Variants in NFATC2 observed in about 807,000 individuals in gnomAD.
NFATC2 encodes nuclear factor of activated T cells 2, also known as nuclear factor of activated T-cells, cytoplasmic 2.
NFATC2 carries 22 observed loss-of-function variants against 87.3 expected under a neutral mutation model. That is an observed-to-expected ratio of 0.25 (90% confidence interval 0.18 to 0.36). NFATC2 has a LOEUF of 0.36. Ranked by LOEUF, NFATC2 falls within the 10% of genes least tolerant of loss-of-function variation. The pLI, the probability that NFATC2 is intolerant of heterozygous loss-of-function variation, is 1.00. For synonymous variants in NFATC2, 565 were observed against 542.2 expected, an observed-to-expected ratio of 1.04 and a Z score of -0.58; for missense variants, 1,149 against 1,259.1, an observed-to-expected ratio of 0.91 and a Z score of 1.32.
chr20:51,542,749 C>CGGGGGGGGGGG (rs1167272535), upstream of NFATC2: 8 of 4,254 alleles, frequency 1.9e-3, no homozygotes, highest in South Asian at 6.5e-3. Flanking sequence ...CCCGGGGAGG[C>CGGGGGGGGGGG]GGGGGGGGGG....
chr20:51,559,882 A>G (rs1245412852), intron 1 of NFATC2, among the ~76,000 whole-genome samples: 2 of 152,240 alleles, frequency 1.3e-5, no homozygotes, highest in African/African-American at 4.8e-5. Flanking sequence ...ATCATTTCAT[A>G]CGATGCTCTT....
intron 6 of NFATC2, among the ~76,000 whole-genome samples, chr20:51,449,670 T>C (rs1394298800): frequency 1.3e-5 from 2 of 152,080 alleles, no homozygotes; most frequent in Non-Finnish European, 2.9e-5. Context: ...AACAGCAGAG[T>C]CCAAGGTGTG....
intron 5 of NFATC2, among the ~76,000 whole-genome samples, chr20:51,473,379 C>T (rs6013191): frequency 6.6e-6 from 1 of 151,838 alleles, no homozygotes; most frequent in Non-Finnish European, 1.5e-5. Context: ...ACAGGGCATG[C>T]CTCCCACGTG....
intron 9 of NFATC2, among the ~76,000 whole-genome samples, chr20:51,402,681 A>G (rs1377390069): frequency 2.0e-5 from 3 of 152,214 alleles, no homozygotes; most frequent in Non-Finnish European, 4.4e-5. Context: ...AAGACATTTG[A>G]GTATATGCCT....
Position 51,523,960 on chromosome 20 carries a change from G to T in NFATC2, c.281C>A (p.Pro94Gln). ...GRFGEPDRVG[P>Q]QKFLSAAKPA... ...CTTGGCCGCGCTCAGAAACTTCTGCGGCCCTACCCTATCCGGCTCTCCGAA... is the reference window on the plus strand; with the variant it reads ...CTTGGCCGCGCTCAGAAACTTCTGCTGCCCTACCCTATCCGGCTCTCCGAA... Residue 94 changes from proline to glutamine, a missense_variant, in exon 2 of 11, where the codon CCG becomes CAG. This residue lies in a region of NFATC2 where 563 missense variants were observed against 585.2 expected (regional missense o/e 0.96). Coordinates refer to ENST00000371564, the MANE Select transcript of NFATC2 (RefSeq NM_012340.5). This position sits in a 1 kb window ranked among gnomAD's most constrained non-coding sequence, Gnocchi z 6.9. 1 of 1,588,848 alleles carries T rather than the reference G, an allele frequency of 6.3e-7. No homozygotes were observed. Among genetic ancestry groups the T allele is most frequent in the Non-Finnish European group, 8.5e-7 (1 of 1,173,134 alleles).
At chr20:51,421,158 G>A (rs775802058) in intron 9 of NFATC2, among the ~76,000 whole-genome samples, 1 of 152,040 alleles carries the variant, frequency 6.6e-6, no homozygotes, top group Non-Finnish European at 1.5e-5. Context: ...GGATGAAGGT[G>A]TAGAAGAAAT....
intron 10 of NFATC2, among the ~76,000 whole-genome samples, chr20:51,395,428 ACT>A (rs1279753929): frequency 1.3e-5 from 2 of 149,746 alleles, no homozygotes; most frequent in African/African-American, 2.6e-5. Context: ...GCTATGGCAG[ACT>A]CTGCTTAGCC....
In NFATC2 at chr20:51,411,507, T is replaced by A. The variant is rs1044395372; in HGVS notation, c.2723-12777A>T. On this transcript the variant is annotated intron_variant, in intron 9 of 10. Transcript: ENST00000371564. ...ACCATAGTGCAAGGTCCTGAAGCAA[T>A]GCAATTGTCTTTTTTTTTTTTTTTT... Among the ~76,000 whole-genome samples the A allele has an allele frequency of 3.7e-4, 54 of 146,494 alleles. 1 individual carries two copies. The highest frequency in any genetic ancestry group is 3.0e-5 in the Non-Finnish European group (2 of 67,106).
chr20:51,393,379 TTC>T (rs1986598064), intron 10 of NFATC2, among the ~76,000 whole-genome samples: 3 of 152,214 alleles, frequency 2.0e-5, no homozygotes, highest in Admixed American at 2.0e-4. Context: ...GTGCCCAGCG[TTC>T]AGCCAGTATT....
At chr20:51,446,211 A>ATTCACCTCGCCAAGAAGGACTC (rs1489667774) in intron 6 of NFATC2, among the ~76,000 whole-genome samples, 2 of 152,166 alleles carry the variant, frequency 1.3e-5, no homozygotes, top group African/African-American at 4.8e-5. Flanking sequence ...CAGGAGAGGA[A>ATTCACCTCGCCAAGAAGGACTC]TTCACCTCGC....
Position 51,391,361 on chromosome 20 carries a change from C to CAGA in NFATC2, c.*132_*134dup, listed in dbSNP as rs754128504. The CAGA allele has an allele frequency of 6.3e-7, 1 of 1,585,892 alleles. No homozygotes were observed. ...GGGGCTGTGGAGGGCTCCGAGGGGTCAGATACAGAAGGTGTCTTGCTATAA... is the reference window on the plus strand; with the variant it reads ...GGGGCTGTGGAGGGCTCCGAGGGGTCAGAAGATACAGAAGGTGTCTTGCTATAA... On this transcript the variant is annotated 3_prime_UTR_variant, in exon 11 of 11. Coordinates refer to ENST00000371564, the MANE Select transcript of NFATC2 (RefSeq NM_012340.5).
In NFATC2 at chr20:51,448,599, G is replaced by A. The variant is rs367694609; in HGVS notation, c.1849+5949C>T. 2.7e-4 allele frequency among the ~76,000 whole-genome samples: 41 copies of A among 152,252 alleles called. No homozygotes were observed. The East Asian group carries it at 5.6e-3, about 21-fold the overall frequency. On this transcript the variant is annotated intron_variant, in intron 6 of 10. Transcript: ENST00000371564. ...GCGGAGCTTGCAGTGAGCCGAGATC[G>A]CGCACTCGCGCCACGCCACTCCAGC... is the stretch of plus-strand genomic sequence containing the variant.
chr20:51,475,349 C>A, intron 4 of NFATC2, 109 bp downstream of exon 4: 3 of 1,020,296 alleles, frequency 2.9e-6, no homozygotes, highest in Non-Finnish European at 4.6e-6. Flanking sequence ...GAACTGCCAT[C>A]AACAGCTGCT....
At chr20:51,519,993 G>A (rs1188546587) in intron 2 of NFATC2, among the ~76,000 whole-genome samples, 3 of 151,862 alleles carry the variant, frequency 2.0e-5, no homozygotes, top group African/African-American at 7.3e-5. Context: ...CCAGCCCTCT[G>A]CTGAGTTGCC....
At position 51,391,151 on chromosome 20, in the gene NFATC2, G is replaced by A. The variant is rs910014630; in HGVS notation, c.*345C>T. The A allele has an allele frequency of 1.5e-5, 10 of 654,436 alleles. No homozygotes were observed. The highest frequency in any genetic ancestry group is 3.6e-5 in the African/African-American group (2 of 55,958). The allele number at this position is 654,436 out of a possible 1,614,324, so 40.5% of individuals were successfully genotyped here. On this transcript the variant is annotated 3_prime_UTR_variant, in exon 11 of 11. Transcript: ENST00000371564. Reference sequence around the variant, plus strand: ...GTCAGCAGGTGCTTACTATTTGGACGGAACACCATTAAGATCAACCAGGAT... The same window carrying A: ...GTCAGCAGGTGCTTACTATTTGGACAGAACACCATTAAGATCAACCAGGAT...
At chr20:51,477,555 A>G (rs1449585861) in intron 3 of NFATC2, among the ~76,000 whole-genome samples, 2 of 119,354 alleles carry the variant, frequency 1.7e-5, no homozygotes, top group Non-Finnish European at 1.8e-5. Context: ...ATATATATAT[A>G]TATATATATA....
intron 1 of NFATC2, among the ~76,000 whole-genome samples, chr20:51,561,705 T>A (rs1184023587): frequency 1.3e-5 from 2 of 151,300 alleles, no homozygotes. Flanking sequence ...CCCCTCCCAC[T>A]TGGCAGCCAG....
intron 3 of NFATC2, among the ~76,000 whole-genome samples, chr20:51,492,425 T>C (rs6021246): frequency 0.4 from 60,407 of 152,188 alleles, 13,019 homozygotes; most frequent in African/African-American, 0.56. Context: ...GGGCGCCTGC[T>C]GCGCTAAACG....
chr20:51,542,687 C>T lies in NFATC2; in HGVS notation c.-188G>A, dbSNP rs1362641268. On this transcript the variant is annotated 5_prime_UTR_variant, in exon 1 of 11. Coordinates refer to ENST00000371564, the MANE Select transcript of NFATC2 (RefSeq NM_012340.5). Reference sequence around the variant, plus strand: ...CCTGGACGCGCCCGGGGAAGCTGAGCGGCGGCGGCGACGGCGGCGCGAGCT... The same window carrying T: ...CCTGGACGCGCCCGGGGAAGCTGAGTGGCGGCGGCGACGGCGGCGCGAGCT... 4.0e-5 allele frequency: 41 copies of T among 1,016,132 alleles called. No homozygotes were observed. The South Asian group carries it at 1.6e-3, about 39-fold the overall frequency. The allele number at this position is 1,016,132 out of a possible 1,614,324, so 62.9% of individuals were successfully genotyped here.
Sources: gnomAD v4.1 joint callset for allele counts (sites outside exome capture counted in the v4.1 genomes callset) on GRCh38, gnomAD v4.1.1 for gene constraint, gnomAD v4.1.1 regional missense constraint, Gnocchi (gnomAD v3.1) non-coding constraint, MANE v1.5 for transcripts, NCBI Gene and HGNC (gene_info 2026-07-23, HGNC 2026-07-21) for gene names.